The following ZW10 variants were observed in gnomAD, a reference collection of about 807,000 sequenced individuals.
ZW10 encodes zw10 kinetochore protein.
In ZW10, 53 loss-of-function variants were observed where a neutral mutation model predicts 87.8. The observed-to-expected ratio is 0.60, with a 90% CI of 0.48 to 0.76. The LOEUF is 0.76. ZW10 is among the 30% of genes least tolerant of loss of function. ZW10 has a pLI of 0.00. For missense variants in ZW10, 837 were observed against 923.0 expected (o/e 0.91, Z 1.21); for synonymous variants, 312 against 329.2 (o/e 0.95, Z 0.57).
chr11:113,733,755 A>AC lies in ZW10; in HGVS notation c.2278_2279insG (p.Leu760CysfsTer18). The AC allele has an allele frequency of 6.2e-7, 1 of 1,614,164 alleles. No individual in the cohort carries two copies. Among genetic ancestry groups the AC allele is most frequent in the African/African-American group, 1.3e-5 (1 of 75,072 alleles). ...TGTGTTCTGAAACAAGGCACGAATTAAAGCTTTTACTTCACTGGAAGAGAA... is the reference window on the plus strand; with the variant it reads ...TGTGTTCTGAAACAAGGCACGAATTACAAGCTTTTACTTCACTGGAAGAGAA... On this transcript the variant is annotated frameshift_variant, in exon 16 of 16. Transcript: ENST00000200135. LOFTEE classifies it high-confidence loss of function.
At chr11:113,761,089 G>A (rs1025284063) in intron 2 of ZW10, among the ~76,000 whole-genome samples, 171 bp from the exon 3 acceptor site, 2 of 152,034 alleles carry the variant, frequency 1.3e-5, no homozygotes, top group Non-Finnish European at 2.9e-5. Flanking sequence ...TACCTTAGAG[G>A]TCCAACTAGT....
At chr11:113,757,469 A>G (rs1953802311) in intron 7 of ZW10, among the ~76,000 whole-genome samples, 193 bp downstream of exon 7, 1 of 152,238 alleles carries the variant, frequency 6.6e-6, no homozygotes, top group Non-Finnish European at 1.5e-5. Flanking sequence ...CTACTTGTCA[A>G]TACAATGCAG....
At chr11:113,738,491 C>G in intron 12 of ZW10, 97 bp from the exon 13 acceptor site, 1 of 1,150,848 alleles carries the variant, frequency 8.7e-7, no homozygotes, top group Non-Finnish European at 1.2e-6. Context: ...TGTATCTGTT[C>G]TGCCTATATA....
chr11:113,742,333 A>G (rs1267697193), intron 10 of ZW10, among the ~76,000 whole-genome samples: 2 of 152,234 alleles, frequency 1.3e-5, no homozygotes, highest in Non-Finnish European at 2.9e-5. Flanking sequence ...TTAAAAGGCA[A>G]ACATAAGGTT....
chr11:113,738,680 T>G (rs1953578861), intron 12 of ZW10, among the ~76,000 whole-genome samples: 1 of 152,206 alleles, frequency 6.6e-6, no homozygotes, highest in Non-Finnish European at 1.5e-5. Flanking sequence ...ATTATTCTGA[T>G]GTATCTATAC....
chr11:113,743,563 G>C (rs181861093), intron 10 of ZW10, among the ~76,000 whole-genome samples: 32 of 152,298 alleles, frequency 2.1e-4, no homozygotes, highest in Non-Finnish European at 4.0e-4. Context: ...ATCCATACAA[G>C]TGCACCTACT....
At position 113,737,657 on chromosome 11, in the gene ZW10, A is replaced by T. The variant is rs1243496239; in HGVS notation, c.1931T>A (p.Leu644Gln). The change falls in exon 14 of 16, where the codon CTG becomes CAG. Residue 644 changes from leucine (L) to glutamine (Q), a missense_variant. By Grantham distance (113) the Leu-to-Gln change is moderately radical (BLOSUM62 -2). Transcript: ENST00000200135. ...KRLGIVWQDV[L>Q]PVNIYCKAMG... ...AGCCTTGCAATATATATTCACTGGC[A>T]GGACATCCTGCCACACAATTCCAAG... The T allele has an allele frequency of 6.2e-7, 1 of 1,613,542 alleles. No homozygotes were observed. The highest frequency in any genetic ancestry group is 8.5e-7 in the Non-Finnish European group (1 of 1,179,662).
intron 15 of ZW10, among the ~76,000 whole-genome samples, chr11:113,734,414 G>A (rs977432850): frequency 6.6e-6 from 1 of 152,148 alleles, no homozygotes; most frequent in Non-Finnish European, 1.5e-5. Context: ...CCAAATACTG[G>A]TGAAAATGAG....
At chr11:113,757,985 A>T in intron 6 of ZW10, 132 bp from the exon 7 acceptor site, 2 of 614,296 alleles carry the variant, frequency 3.3e-6, no homozygotes, top group Non-Finnish European at 5.2e-6. Context: ...CAGCCTGGCC[A>T]ACATGGTGAG....
intron 15 of ZW10, 127 bp from the exon 16 acceptor site, chr11:113,733,941 T>C: frequency 8.7e-7 from 1 of 1,148,388 alleles, no homozygotes; most frequent in South Asian, 1.6e-5. Context: ...CCTGGGCATC[T>C]TTCCTCTTCT....
At chr11:113,759,810 G>A (rs1473412314) in intron 5 of ZW10, among the ~76,000 whole-genome samples, 1 of 152,150 alleles carries the variant, frequency 6.6e-6, no homozygotes, top group African/African-American at 2.4e-5. Context: ...AGAATGGCTA[G>A]AGAGCTCCTT....
At chr11:113,738,590 C>T (rs1953578184) in intron 12 of ZW10, among the ~76,000 whole-genome samples, 196 bp from the exon 13 acceptor site, 1 of 152,140 alleles carries the variant, frequency 6.6e-6, no homozygotes, top group Non-Finnish European at 1.5e-5. Context: ...TCAAACCCCA[C>T]CCTCCAGATA....
intron 7 of ZW10, among the ~76,000 whole-genome samples, chr11:113,750,406 C>A (rs892870492): frequency 3.3e-5 from 5 of 151,828 alleles, no homozygotes; most frequent in Non-Finnish European, 7.4e-5. Flanking sequence ...TGGGTTCAAG[C>A]GATTCTCCTT....
At chr11:113,767,630 A>T (rs1220747907) in intron 2 of ZW10, among the ~76,000 whole-genome samples, 1 of 151,974 alleles carries the variant, frequency 6.6e-6, no homozygotes, top group African/African-American at 2.4e-5. Context: ...CTTTCTTCAA[A>T]CTGCAAGCAG....
In ZW10 at chr11:113,758,631, G is replaced by A. The variant is rs780383098; in HGVS notation, c.656C>T (p.Thr219Ile). The A allele has an allele frequency of 6.2e-7, 1 of 1,614,000 alleles. No homozygotes were observed. The highest frequency in any genetic ancestry group is 8.5e-7 in the Non-Finnish European group (1 of 1,179,928). The stretch of plus-strand genomic sequence containing the variant: ...GACAGAACTGATGGGTGGCATAGGG[G>A]TCTTCTCCTCTTTGTGCGATTGTTC... Reference protein sequence around the residue: ...YTEQSHKEEKTPMPPISSVLL... With the variant: ...YTEQSHKEEKIPMPPISSVLL... The change falls in exon 6 of 16, where the codon ACC becomes ATC. Residue 219 changes from threonine to isoleucine, a missense_variant. Transcript: ENST00000200135.
chr11:113,740,419 T>C (rs1953602713), intron 11 of ZW10, among the ~76,000 whole-genome samples: 1 of 151,972 alleles, frequency 6.6e-6, no homozygotes, highest in African/African-American at 2.4e-5. Flanking sequence ...ACAGACCCTA[T>C]CATTACAAAA....
intron 2 of ZW10, among the ~76,000 whole-genome samples, chr11:113,768,176 T>C (rs1953926886): frequency 6.6e-6 from 1 of 152,122 alleles, no homozygotes. Flanking sequence ...ATTGAAAAAA[T>C]TCTCTATTAT....
At chr11:113,771,862 G>A (rs990134924) in intron 1 of ZW10, among the ~76,000 whole-genome samples, 1 of 151,862 alleles carries the variant, frequency 6.6e-6, no homozygotes, top group Non-Finnish European at 1.5e-5. Flanking sequence ...TTTTGACAGA[G>A]GAATAAATAC....
chr11:113,770,041 T>A, intron 1 of ZW10: 1 of 164,570 alleles, frequency 6.1e-6, no homozygotes. Flanking sequence ...CTTTTTGGCA[T>A]AAACCTTTTG....
Sources: gnomAD v4.1 joint callset for allele counts (sites outside exome capture counted in the v4.1 genomes callset) on GRCh38, gnomAD v4.1.1 for gene constraint, MANE v1.5 for transcripts, NCBI Gene and HGNC (gene_info 2026-07-23, HGNC 2026-07-21) for gene names.